The following ANXA6 variants were observed in gnomAD, a reference collection of about 807,000 sequenced individuals.
The protein encoded by ANXA6 is 67 kDa calelectrin.
A neutral mutation model predicts 95.4 loss-of-function variants in ANXA6; 71 were observed. The observed-to-expected ratio is 0.74, with a 90% CI of 0.61 to 0.91. ANXA6 has a LOEUF of 0.91. ANXA6 is among the 40% of genes least tolerant of loss of function. The pLI, the probability that ANXA6 is intolerant of heterozygous loss-of-function variation, is 0.00. For missense variants in ANXA6, 830 were observed against 876.4 expected (o/e 0.95, Z 0.67); for synonymous variants, 289 against 315.9 (o/e 0.91, Z 0.90).
At chr5:151,129,697 TTTTGTTTGTTTGTTTG>T (rs35609303) in intron 11 of ANXA6, among the ~76,000 whole-genome samples, 168 bp from the exon 12 acceptor site, 1 of 149,178 alleles carries the variant, frequency 6.7e-6, no homozygotes, top group African/African-American at 2.4e-5. Context: ...CCTCTTACTG[TTTTGTTTGTTTGTTTG>T]TTTGTTTGTT....
In ANXA6 at chr5:151,114,669, A is replaced by G. The variant is rs1045407495; in HGVS notation, c.1572+2458T>C. 1.0e-4 allele frequency among the ~76,000 whole-genome samples: 15 copies of G among 150,366 alleles called. No homozygotes were observed. The East Asian group carries it at 3.0e-3, about 30-fold the overall frequency. ...AAGTCTGAGTATTGATTATCTAAAA[A>G]TGACCACAATCCTTCATTTCATGGT... On this transcript the variant is annotated intron_variant, in intron 20 of 25. Coordinates refer to ENST00000354546, the MANE Select transcript of ANXA6 (RefSeq NM_001155.5).
Position 151,140,282 on chromosome 5 carries a change from G to T in ANXA6, c.19-39C>A, listed in dbSNP as rs759159388. The T allele has an allele frequency of 6.3e-6, 10 of 1,577,100 alleles. No individual in the cohort carries two copies. In the South Asian group the frequency reaches 1.1e-4, roughly 18 times the overall value. ...AGTAGAGGGTGAGCTGCCAACCCCG[G>T]ACTGAGACCAAGCTCCCAGCCCCAA... On this transcript the variant is annotated intron_variant, in intron 2 of 25. Coordinates refer to ENST00000354546, the MANE Select transcript of ANXA6 (RefSeq NM_001155.5).
At chr5:151,119,246 G>A in intron 18 of ANXA6, 54 bp downstream of exon 18, 1 of 1,479,774 alleles carries the variant, frequency 6.8e-7, no homozygotes, top group Non-Finnish European at 9.4e-7. Context: ...GGGGTTGGAA[G>A]TTGGGGGGCC....
rs766223925 is a variant in ANXA6 at position 151,134,430 on chromosome 5, G to A, written c.543C>T (p.Val181=). 1.2e-6 allele frequency: 2 copies of A among 1,613,874 alleles called. No homozygotes were observed. Among genetic ancestry groups the A allele is most frequent in the Non-Finnish European group, 1.7e-6 (2 of 1,179,876 alleles). Residue 181 remains valine, a synonymous_variant, in exon 8 of 26, where the codon GTC becomes GTT. Coordinates refer to ENST00000354546, the MANE Select transcript of ANXA6 (RefSeq NM_001155.5). ...ACTTTCAGTGGTGCTTGTTTACCTG[G>A]ACATCCTGTTGTACCAGGTCCTCGC... The part of the protein sequence containing the change: ...VVSEDLVQQD[V]QDLYEAGELK...
intron 3 of ANXA6, 49 bp downstream of exon 3, chr5:151,140,104 T>C (rs1194929700): frequency 1.9e-6 from 3 of 1,569,200 alleles, no homozygotes; most frequent in Non-Finnish European, 2.6e-6. Context: ...CTGGGCTGTG[T>C]CTACTTTTGG....
At chr5:151,136,413 A>G (rs560342403) in intron 6 of ANXA6, 78 bp from the exon 7 acceptor site, 1 of 1,356,264 alleles carries the variant, frequency 7.4e-7, no homozygotes, top group African/African-American at 1.5e-5. Context: ...GCTGCCCCCA[A>G]AATGATCAGA....
chr5:151,133,410 G>A (rs914345879), intron 8 of ANXA6: 5 of 511,896 alleles, frequency 9.8e-6, no homozygotes, highest in Admixed American at 3.3e-5. Flanking sequence ...TAGAGCACTC[G>A]CACACACCTA....
chr5:151,135,689 T>C (rs375801629), intron 7 of ANXA6, among the ~76,000 whole-genome samples: 2 of 152,336 alleles, frequency 1.3e-5, no homozygotes, highest in Middle Eastern at 3.4e-3. Context: ...GCAGGTCTGC[T>C]GCTACCGCAA....
chr5:151,100,746 A>G lies in ANXA6; in HGVS notation c.*702T>C, dbSNP rs372907513. On this transcript the variant is annotated 3_prime_UTR_variant, in exon 26 of 26. Coordinates refer to ENST00000354546, the MANE Select transcript of ANXA6 (RefSeq NM_001155.5). Reference sequence around the variant, plus strand: ...GTGTATCTCTTTTTATTTCTTCCTTAGAAATAAAAAGTGTCAAGGGAATGA... The same window carrying G: ...GTGTATCTCTTTTTATTTCTTCCTTGGAAATAAAAAGTGTCAAGGGAATGA... The G allele has an allele frequency of 2.9e-4, 114 of 390,876 alleles. No individual in the cohort carries two copies. The highest frequency in any genetic ancestry group is 1.1e-3 in the Middle Eastern group (3 of 2,678). 24.2% of individuals were successfully genotyped at this position (390,876 alleles called of 1,614,324 possible).
intron 2 of ANXA6, among the ~76,000 whole-genome samples, chr5:151,146,432 T>A (rs1245447408): frequency 1.3e-5 from 2 of 152,336 alleles, no homozygotes; most frequent in East Asian, 3.9e-4. Flanking sequence ...CAGCTAGGAC[T>A]TCTCTGAGGG....
Position 151,147,898 on chromosome 5 carries a change from C to T in ANXA6, c.4G>A (p.Ala2Thr). Residue 2 changes from alanine to threonine, a missense_variant, in exon 2 of 26, where the codon GCC becomes ACC. Ala to Thr is a moderately conservative substitution (Grantham distance 58, BLOSUM62 0). Coordinates refer to ENST00000354546, the MANE Select transcript of ANXA6 (RefSeq NM_001155.5). The stretch of plus-strand genomic sequence containing the variant: ...AGGCCCCTTACCTGTGCTGGTTTGG[C>T]CATGGTCTCCGGTTCGCAGCAGAAT... The part of the protein sequence containing the change: M[A>T]KPAQGAKYRG... 1 of 1,604,344 alleles carries T rather than the reference C, an allele frequency of 6.2e-7. No homozygotes were observed. The highest frequency in any genetic ancestry group is 8.5e-7 in the Non-Finnish European group (1 of 1,175,220).
intron 1 of ANXA6, among the ~76,000 whole-genome samples, chr5:151,150,101 G>A (rs10067288): frequency 0.1 from 14,889 of 149,470 alleles, 750 homozygotes; most frequent in African/African-American, 0.12. Context: ...CTAGGCAACA[G>A]AGTGAGACTC....
intron 1 of ANXA6, among the ~76,000 whole-genome samples, chr5:151,157,396 G>A (rs547607627): frequency 7.3e-5 from 11 of 151,626 alleles, no homozygotes; most frequent in African/African-American, 2.7e-4. Flanking sequence ...CAGCTCCGGC[G>A]CCCAGGACCC....
chr5:151,134,022 C>T (rs1035341669), intron 8 of ANXA6, among the ~76,000 whole-genome samples: 1 of 152,226 alleles, frequency 6.6e-6, no homozygotes, highest in Non-Finnish European at 1.5e-5. Context: ...GTACTCAAAA[C>T]ACCTGCAATG....
intron 1 of ANXA6, among the ~76,000 whole-genome samples, chr5:151,152,429 CT>C (rs1360364891): frequency 6.6e-6 from 1 of 152,190 alleles, no homozygotes; most frequent in Non-Finnish European, 1.5e-5. Flanking sequence ...AGCTCAGTAA[CT>C]TGGGCAAGTT....
intron 17 of ANXA6, among the ~76,000 whole-genome samples, 193 bp from the exon 18 acceptor site, chr5:151,119,583 C>A (rs745388169): frequency 6.6e-6 from 1 of 152,204 alleles, no homozygotes; most frequent in Non-Finnish European, 1.5e-5. Flanking sequence ...CCCAGAACCT[C>A]CCATGTGAAC....
At chr5:151,153,338 G>A (rs996511190) in intron 1 of ANXA6, among the ~76,000 whole-genome samples, 3 of 152,216 alleles carry the variant, frequency 2.0e-5, no homozygotes, top group East Asian at 1.9e-4. Flanking sequence ...CTCAACTGCT[G>A]GGGTGAGGCC....
At chr5:151,138,656 C>T (rs1561581811) in intron 5 of ANXA6, 22 bp downstream of exon 5, 1 of 1,571,230 alleles carries the variant, frequency 6.4e-7, no homozygotes, top group East Asian at 2.2e-5. Flanking sequence ...ACCCCAACAC[C>T]ACATACACCC....
At chr5:151,107,750 G>A (rs968275755) in intron 23 of ANXA6, among the ~76,000 whole-genome samples, 2 of 152,214 alleles carry the variant, frequency 1.3e-5, no homozygotes, top group East Asian at 3.9e-4. Context: ...ATTTATACAC[G>A]GTGGAATTAA....
Sources: gnomAD v4.1 joint callset for allele counts (sites outside exome capture counted in the v4.1 genomes callset) on GRCh38, gnomAD v4.1.1 for gene constraint, MANE v1.5 for transcripts, NCBI Gene and HGNC (gene_info 2026-07-23, HGNC 2026-07-21) for gene names.